Variants in FSTL5 observed in about 807,000 individuals in gnomAD.
The protein encoded by FSTL5 is follistatin-related protein 5.
A neutral mutation model predicts 89.1 loss-of-function variants in FSTL5; 62 were observed. The ratio of observed to expected loss-of-function variants is 0.70; its 90% CI spans 0.57 to 0.86. The LOEUF (loss-of-function observed/expected upper bound fraction) is 0.86, where lower values mean the gene tolerates loss of function less well. Among genes scored for constraint, FSTL5 ranks in the 40% least tolerant of loss-of-function variants. The pLI is 0.00. For missense variants in FSTL5, 1,057 were observed against 1,001.6 expected, an observed-to-expected ratio of 1.06 and a Z score of -0.75; for synonymous variants, 383 against 346.2, an observed-to-expected ratio of 1.11 and a Z score of -1.18.
At chr4:162,111,032 C>G (rs1731415644) in intron 2 of FSTL5, among the ~76,000 whole-genome samples, 1 of 151,818 alleles carries the variant, frequency 6.6e-6, no homozygotes, top group South Asian at 2.1e-4. Context: ...TAGGTAAATT[C>G]TAATAATTAT....
At chr4:161,996,572 A>G (rs1280683626) in intron 3 of FSTL5, among the ~76,000 whole-genome samples, 1 of 152,202 alleles carries the variant, frequency 6.6e-6, no homozygotes, top group Non-Finnish European at 1.5e-5. Context: ...TGGCCAATGC[A>G]TTCTTTCTGA....
intron 8 of FSTL5, among the ~76,000 whole-genome samples, chr4:161,581,018 C>T (rs1032897950): frequency 6.6e-6 from 1 of 151,934 alleles, no homozygotes; most frequent in Non-Finnish European, 1.5e-5. Context: ...CAATACCACC[C>T]CCCAAGCAAG....
chr4:161,592,936 A>C (rs145981209), intron 7 of FSTL5, among the ~76,000 whole-genome samples: 1 of 152,238 alleles, frequency 6.6e-6, no homozygotes, highest in East Asian at 1.9e-4. Flanking sequence ...TAGCTTTTTA[A>C]GTTGTAATTG....
At chr4:161,442,684 G>T (rs1041546706) in intron 15 of FSTL5, among the ~76,000 whole-genome samples, 2 of 152,010 alleles carry the variant, frequency 1.3e-5, no homozygotes, top group African/African-American at 4.8e-5. Flanking sequence ...AACTGTTATA[G>T]GAAAAATACT....
chr4:161,454,230 A>T (rs17338841), intron 15 of FSTL5, among the ~76,000 whole-genome samples: 7,753 of 152,284 alleles, frequency 0.051, 205 homozygotes, highest in Admixed American at 0.053. Flanking sequence ...AATTCACTTG[A>T]GTAAAAGGAC....
At chr4:161,901,187 C>CAA (rs5863498) in intron 4 of FSTL5, among the ~76,000 whole-genome samples, 38 of 132,986 alleles carry the variant, frequency 2.9e-4, no homozygotes, top group Admixed American at 9.7e-4. Context: ...AAATCTAGAC[C>CAA]AAAAAAAAAA....
At chr4:161,711,279 C>A (rs1437458380) in intron 6 of FSTL5, among the ~76,000 whole-genome samples, 1 of 151,352 alleles carries the variant, frequency 6.6e-6, no homozygotes, top group African/African-American at 2.4e-5. Flanking sequence ...GTTGGACTTA[C>A]CAAGAAAAAA....
At chr4:161,791,624 G>A (rs1273785194) in intron 4 of FSTL5, among the ~76,000 whole-genome samples, 1 of 152,100 alleles carries the variant, frequency 6.6e-6, no homozygotes, top group Non-Finnish European at 1.5e-5. Flanking sequence ...TTGGACCTCA[G>A]ATTTATACAA....
chr4:161,620,898 A>G (rs1426796272), intron 7 of FSTL5, among the ~76,000 whole-genome samples: 1 of 152,212 alleles, frequency 6.6e-6, no homozygotes, highest in Non-Finnish European at 1.5e-5. Flanking sequence ...ATGAAGCAAA[A>G]ACTGACAGAA....
intron 2 of FSTL5, among the ~76,000 whole-genome samples, chr4:162,089,632 C>CAAAAAAAAAAAAAAAAAAA (rs755573032): frequency 2.3e-5 from 1 of 42,600 alleles, no homozygotes. Context: ...GAATCTGTCT[C>CAAAAAAAAAAAAAAAAAAA]AAAAAAAAAA....
At chr4:162,028,935 C>T (rs1303733546) in intron 3 of FSTL5, among the ~76,000 whole-genome samples, 1 of 152,112 alleles carries the variant, frequency 6.6e-6, no homozygotes, top group Non-Finnish European at 1.5e-5. Flanking sequence ...CTAGAAAGAG[C>T]TCTGAATATT....
At chr4:161,405,037 C>T (rs184054837) in intron 15 of FSTL5, among the ~76,000 whole-genome samples, 125 of 152,120 alleles carry the variant, frequency 8.2e-4, no homozygotes, top group Non-Finnish European at 1.6e-3. Flanking sequence ...TCGAGACCAA[C>T]CTGACCAACA....
intron 6 of FSTL5, among the ~76,000 whole-genome samples, chr4:161,751,043 C>T (rs1279841190): frequency 7.7e-6 from 1 of 129,406 alleles, no homozygotes; most frequent in African/African-American, 3.8e-5. Context: ...GATTATAAAT[C>T]ATTATGTTAG....
chr4:161,774,401 T>C (rs1273223920), intron 5 of FSTL5, among the ~76,000 whole-genome samples: 2 of 152,170 alleles, frequency 1.3e-5, no homozygotes, highest in Non-Finnish European at 2.9e-5. Context: ...TCTGCTGTTT[T>C]AGCCACACAG....
intron 6 of FSTL5, among the ~76,000 whole-genome samples, chr4:161,705,773 A>C (rs1400311508): frequency 6.6e-6 from 1 of 150,964 alleles, no homozygotes; most frequent in Non-Finnish European, 1.5e-5. Flanking sequence ...CTTCATCATT[A>C]TAAAATATTT....
chr4:161,625,556 T>A (rs1735288404), intron 7 of FSTL5, among the ~76,000 whole-genome samples: 1 of 152,130 alleles, frequency 6.6e-6, no homozygotes, highest in African/African-American at 2.4e-5. Context: ...TCTCTCACTA[T>A]CCTCAGGCCT....
At chr4:161,441,960 G>C (rs899888856) in intron 15 of FSTL5, among the ~76,000 whole-genome samples, 1 of 152,006 alleles carries the variant, frequency 6.6e-6, no homozygotes, top group African/African-American at 2.4e-5. Context: ...ACTTGAGCTA[G>C]TTCTTGCAAA....
At chr4:161,466,899 A>T (rs1260089223) in intron 13 of FSTL5, among the ~76,000 whole-genome samples, 1 of 152,114 alleles carries the variant, frequency 6.6e-6, no homozygotes, top group African/African-American at 2.4e-5. Context: ...TTATATTGTC[A>T]TAAAATATTT....
At chr4:162,091,783 T>TA (rs891468264) in intron 2 of FSTL5, among the ~76,000 whole-genome samples, 1 of 151,734 alleles carries the variant, frequency 6.6e-6, no homozygotes, top group Non-Finnish European at 1.5e-5. Flanking sequence ...ACGGCATCCA[T>TA]AAAAAAAATT....
Sources: gnomAD v4.1 joint callset for allele counts (sites outside exome capture counted in the v4.1 genomes callset) on GRCh38, gnomAD v4.1.1 for gene constraint, MANE v1.5 for transcripts, NCBI Gene and HGNC (gene_info 2026-07-23, HGNC 2026-07-21) for gene names.